KMT2C: variants seen among roughly 807,000 people sequenced by gnomAD.
KMT2C encodes the protein lysine methyltransferase 2C, also known as histone-lysine N-methyltransferase 2C.
A neutral mutation model predicts 507.9 loss-of-function variants in KMT2C; 88 were observed. That is an observed-to-expected ratio of 0.17 (90% CI 0.15 to 0.21). The LOEUF is 0.21. Among genes scored for constraint, KMT2C ranks in the 10% least tolerant of loss-of-function variants. The probability of loss-of-function intolerance (pLI) is 1.00; values close to 1 mark genes in which losing one functional copy is unlikely to be tolerated. For synonymous variants in KMT2C, 2,049 were observed against 2,080.8 expected (o/e 0.98, Z 0.42); for missense variants, 4,954 against 5,957.8 (o/e 0.83, Z 5.55).
At chr7:152,182,771 G>C (rs2093475679) in intron 35 of KMT2C, among the ~76,000 whole-genome samples, 177 bp from the exon 36 acceptor site, 1 of 152,132 alleles carries the variant, frequency 6.6e-6, no homozygotes, top group South Asian at 2.1e-4. Flanking sequence ...TGTTCCATTT[G>C]TGCCTAGGGC....
chr7:152,369,154 C>A (rs560388006), intron 1 of KMT2C, among the ~76,000 whole-genome samples: 1 of 152,146 alleles, frequency 6.6e-6, no homozygotes, highest in Non-Finnish European at 1.5e-5. Flanking sequence ...AAAATCCTGT[C>A]TCCACTAAAA....
rs529662371 is a variant in KMT2C, at chr7:152,135,531, C to G, written c.*1301G>C. On this transcript the variant is annotated 3_prime_UTR_variant, in exon 59 of 59. Coordinates refer to ENST00000262189, the MANE Select transcript of KMT2C (RefSeq NM_170606.3). ...ATCTCCTTTTTTTTTTTAACTTTTT[C>G]AAATTTTTGTGTTAAATAGAAGGCT... The G allele has an allele frequency of 9.0e-6, 2 of 222,256 alleles. No individual in the cohort carries two copies. The highest frequency in any genetic ancestry group is 1.3e-4 in the East Asian group (2 of 15,174). 13.8% of individuals were successfully genotyped at this position (222,256 alleles called of 1,614,324 possible). A position where few individuals can be genotyped will look rare whatever the true frequency, so the allele number is the denominator to read the frequency against.
In KMT2C at chr7:152,154,128, T is replaced by G. The variant is rs758106287; in HGVS notation, c.12158A>C (p.Asn4053Thr). Reference sequence around the variant, plus strand: ...AGTGCCTGGCTCAGTTTTGATGTCATTCCTTCTTGATTCTGAACCTTTAAA... The same window carrying G: ...AGTGCCTGGCTCAGTTTTGATGTCAGTCCTTCTTGATTCTGAACCTTTAAA... ...TAGKSSESRRNDIKTEPGTLY... is the reference protein window; with the variant it reads ...TAGKSSESRRTDIKTEPGTLY... The change falls in exon 48 of 59, where the codon AAT (asparagine) becomes ACT (threonine). Residue 4053 changes from asparagine to threonine, a missense_variant. Coordinates refer to ENST00000262189, the MANE Select transcript of KMT2C (RefSeq NM_170606.3). The G allele has an allele frequency of 6.2e-7, 1 of 1,614,170 alleles. No individual in the cohort carries two copies. Among genetic ancestry groups the G allele is most frequent in the Non-Finnish European group, 8.5e-7 (1 of 1,180,012 alleles).
At chr7:152,299,780 A>G (rs1208298444) in intron 6 of KMT2C, among the ~76,000 whole-genome samples, 1 of 151,892 alleles carries the variant, frequency 6.6e-6, no homozygotes, top group Non-Finnish European at 1.5e-5. Context: ...TTTAGACCAT[A>G]TACATTTAAT....
rs558956290 is a variant in KMT2C at position 152,412,715 on chromosome 7, G to C, written c.161+22911C>G. Among the ~76,000 whole-genome samples the C allele has an allele frequency of 8.7e-3, 1,320 of 152,188 alleles. 9 individuals are homozygous for C. Among genetic ancestry groups the C allele is most frequent in the African/African-American group, 0.02 (817 of 41,524 alleles). ...CTAGCTTAAATGCACAGTGGTCTTG[G>C]ATCACATAAGAATTTCAAAATAAAT... On this transcript the variant is annotated intron_variant, in intron 1 of 58. Transcript: ENST00000262189.
At chr7:152,391,367 C>G (rs1216759237) in intron 1 of KMT2C, among the ~76,000 whole-genome samples, 3 of 150,412 alleles carry the variant, frequency 2.0e-5, no homozygotes, top group Non-Finnish European at 4.4e-5. Flanking sequence ...CTCAGCCTCC[C>G]GAGTAGCTGA....
intron 27 of KMT2C, among the ~76,000 whole-genome samples, chr7:152,198,807 A>C (rs2094042713): frequency 6.6e-6 from 1 of 152,140 alleles, no homozygotes; most frequent in South Asian, 2.1e-4. Context: ...CTCCCACAAC[A>C]AAGAATTACT....
At chr7:152,265,734 T>A (rs571679594) in intron 7 of KMT2C, among the ~76,000 whole-genome samples, 3 of 152,212 alleles carry the variant, frequency 2.0e-5, no homozygotes, top group East Asian at 1.9e-4. Flanking sequence ...GGCTTTTTTT[T>A]AATTACTGGA....
chr7:152,397,922 GT>G (rs1175166336), intron 1 of KMT2C, among the ~76,000 whole-genome samples: 1 of 152,118 alleles, frequency 6.6e-6, no homozygotes, highest in Non-Finnish European at 1.5e-5. Context: ...CCAGCCTTGG[GT>G]ATGTCTTTAT....
At chr7:152,156,653 T>A (rs573908669) in intron 44 of KMT2C, among the ~76,000 whole-genome samples, 2 of 152,324 alleles carry the variant, frequency 1.3e-5, no homozygotes, top group East Asian at 3.9e-4. Flanking sequence ...AGTTTCGTGG[T>A]TATAGCTAGT....
chr7:152,169,897 T>C (rs1235267861), intron 40 of KMT2C, among the ~76,000 whole-genome samples: 1 of 152,100 alleles, frequency 6.6e-6, no homozygotes, highest in East Asian at 1.9e-4. Flanking sequence ...ATTTTCAAGT[T>C]AAAAGTCTTA....
At chr7:152,337,917 C>T (rs957357839) in intron 2 of KMT2C, among the ~76,000 whole-genome samples, 1 of 151,346 alleles carries the variant, frequency 6.6e-6, no homozygotes, top group Non-Finnish European at 1.5e-5. Flanking sequence ...AGTGCAGTGG[C>T]GCGATCTCAG....
intron 6 of KMT2C, among the ~76,000 whole-genome samples, chr7:152,307,642 G>C (rs1030043990): frequency 2.6e-5 from 4 of 152,152 alleles, no homozygotes; most frequent in African/African-American, 9.7e-5. Flanking sequence ...CTAAGGGCTT[G>C]TGATTCCTCT....
chr7:152,297,056 AGAGAGAGAGAGAGAGAGAGAGAG>A (rs1563767598), intron 6 of KMT2C, among the ~76,000 whole-genome samples: 802 of 42,048 alleles, frequency 0.019, 42 homozygotes, highest in African/African-American at 0.06. Context: ...AAAGAAAGAC[AGAGAGAGAGAGAGAGAGAGAGAG>A]AGAGAGAGAG....
At chr7:152,167,492 T>C in intron 41 of KMT2C, 114 bp from the exon 42 acceptor site, 1 of 647,198 alleles carries the variant, frequency 1.5e-6, no homozygotes, top group East Asian at 2.7e-5. Flanking sequence ...AATAGGAAAT[T>C]TGAAAACACA....
At position 152,176,596 on chromosome 7, in the gene KMT2C, T is replaced by C. The variant is rs1478208996; in HGVS notation, c.8857A>G (p.Ser2953Gly). Residue 2953 changes from serine to glycine, a missense_variant, in exon 38 of 59, where the codon AGT becomes GGT. Physicochemically the swap from Ser to Gly is moderately conservative, Grantham distance 56 (BLOSUM62 0). Around this residue, in one of 29 missense-constraint regions of KMT2C, gnomAD observed 1,689 missense variants for 1,654.3 expected, o/e 1.02. Coordinates refer to ENST00000262189, the MANE Select transcript of KMT2C (RefSeq NM_170606.3). ...GGCGGTGCTATGAAAGGAGGCAAAC[T>C]TGACACATGATTGGATGGGGAGGCC... ...LPASPSNHVS[S>G]LPPFIAPPGR... The C allele has an allele frequency of 6.2e-7, 1 of 1,614,162 alleles. No individual in the cohort carries two copies. The highest frequency in any genetic ancestry group is 1.1e-5 in the South Asian group (1 of 91,078).
intron 55 of KMT2C, 21 bp from the exon 56 acceptor site, chr7:152,139,812 A>C (rs2090319355): frequency 1.3e-6 from 2 of 1,535,018 alleles, no homozygotes; most frequent in South Asian, 2.3e-5. Context: ...GTGTGTACAT[A>C]CTTCCAATTT....
At chr7:152,157,541 G>C (rs568976550) in intron 44 of KMT2C, among the ~76,000 whole-genome samples, 2 of 152,158 alleles carry the variant, frequency 1.3e-5, no homozygotes, top group South Asian at 2.1e-4. Context: ...GTACATAATA[G>C]ATATTTCTTG....
At chr7:152,334,867 A>G (rs562078640) in intron 2 of KMT2C, among the ~76,000 whole-genome samples, 1 of 152,250 alleles carries the variant, frequency 6.6e-6, no homozygotes, top group African/African-American at 2.4e-5. Flanking sequence ...AGAGAAGATC[A>G]ATTTGTTTTA....
Sources: gnomAD v4.1 joint callset for allele counts (sites outside exome capture counted in the v4.1 genomes callset) on GRCh38, gnomAD v4.1.1 for gene constraint, gnomAD v4.1.1 regional missense constraint, MANE v1.5 for transcripts, NCBI Gene and HGNC (gene_info 2026-07-23, HGNC 2026-07-21) for gene names.